VPS4A: variants seen among roughly 807,000 people sequenced by gnomAD.
VPS4A encodes vacuolar protein sorting 4 homolog A, also known as vacuolar protein sorting-associated protein 4A.
A neutral mutation model predicts 52.3 loss-of-function variants in VPS4A; 20 were observed. That is an observed-to-expected ratio of 0.38 (90% CI 0.27 to 0.56). The LOEUF (loss-of-function observed/expected upper bound fraction) is 0.56, where lower values mean the gene tolerates loss of function less well. Among genes scored for constraint, VPS4A ranks in the 20% least tolerant of loss-of-function variants. The probability of loss-of-function intolerance (pLI) is 0.72; values close to 1 mark genes in which losing one functional copy is unlikely to be tolerated. For missense variants in VPS4A, 419 were observed against 575.9 expected, an observed-to-expected ratio of 0.73 and a Z score of 2.79; for synonymous variants, 293 against 227.7, an observed-to-expected ratio of 1.29 and a Z score of -2.58.
chr16:69,323,941 C>A (rs1417492481), intron 10 of VPS4A, among the ~76,000 whole-genome samples: 2 of 77,946 alleles, frequency 2.6e-5, no homozygotes, highest in Admixed American at 1.2e-4. Flanking sequence ...CAGACTCCGT[C>A]TCCAAAAAAA....
rs568843038 is a variant in VPS4A at position 69,325,257 on chromosome 16, T to C, written c.*948T>C. 1 of 152,402 alleles carries C rather than the reference T, an allele frequency of 6.6e-6. No homozygotes were observed. The highest frequency in any genetic ancestry group is 1.9e-4 in the East Asian group (1 of 5,182). 9.4% of individuals were successfully genotyped at this position (152,402 alleles called of 1,614,324 possible). A position where few individuals can be genotyped will look rare whatever the true frequency, so the allele number is the denominator to read the frequency against. On this transcript the variant is annotated 3_prime_UTR_variant, in exon 11 of 11. Coordinates refer to ENST00000254950, the MANE Select transcript of VPS4A (RefSeq NM_013245.3). ...AGTTTGGCTGGGGATGTTTGTGGGA[T>C]CCAGACAGTTCTTGCCGTTGTTCGG...
chr16:69,320,007 C>T lies in VPS4A; in HGVS notation c.621-134C>T. 2.4e-6 allele frequency: 3 copies of T among 1,263,786 alleles called. No homozygotes were observed. The highest frequency in any genetic ancestry group is 3.2e-6 in the Non-Finnish European group (3 of 926,930). 78.3% of individuals were successfully genotyped at this position (1,263,786 alleles called of 1,614,324 possible). On this transcript the variant is annotated intron_variant, in intron 6 of 10. Coordinates refer to ENST00000254950, the MANE Select transcript of VPS4A (RefSeq NM_013245.3). The surrounding 1 kb of genome is among the most constrained non-coding windows in gnomAD (Gnocchi z 4.2). ...AGTGTGGCCCGAGGGCTCCTCACCACCACGTTTTCCGCAATTCCGGCATGA... is the reference window on the plus strand; with the variant it reads ...AGTGTGGCCCGAGGGCTCCTCACCATCACGTTTTCCGCAATTCCGGCATGA...
intron 1 of VPS4A, among the ~76,000 whole-genome samples, chr16:69,312,657 G>A (rs1285415922): frequency 6.6e-6 from 1 of 152,160 alleles, no homozygotes; most frequent in Non-Finnish European, 1.5e-5. Flanking sequence ...CTGTCACCCA[G>A]ACTGGAGTGC....
chr16:69,321,525 C>A lies in VPS4A; in HGVS notation c.1071+255C>A. ...CTTTACTGTCTTAACCCTGCTGCGGCCTCCTCCGTCAGCACTGTGTGCTCT... is the reference window on the plus strand; with the variant it reads ...CTTTACTGTCTTAACCCTGCTGCGGACTCCTCCGTCAGCACTGTGTGCTCT... On this transcript the variant is annotated intron_variant, in intron 9 of 10. Transcript: ENST00000254950. This position sits in a 1 kb window ranked among gnomAD's most constrained non-coding sequence, Gnocchi z 4.5. 1.9e-6 allele frequency: 1 copy of A among 526,956 alleles called. No individual in the cohort carries two copies. Among genetic ancestry groups the A allele is most frequent in the Non-Finnish European group, 3.4e-6 (1 of 291,134 alleles). 32.6% of individuals were successfully genotyped at this position (526,956 alleles called of 1,614,324 possible).
At chr16:69,312,644 A>G (rs1416676033) in intron 1 of VPS4A, among the ~76,000 whole-genome samples, 2 of 151,914 alleles carry the variant, frequency 1.3e-5, no homozygotes, top group African/African-American at 4.8e-5. Flanking sequence ...ATGGAGTCTC[A>G]CTCTGTCACC....
rs1419853557 is a variant in VPS4A at position 69,325,289 on chromosome 16, G to T, written c.*980G>T. On this transcript the variant is annotated 3_prime_UTR_variant, in exon 11 of 11. Coordinates refer to ENST00000254950, the MANE Select transcript of VPS4A (RefSeq NM_013245.3). Reference sequence around the variant, plus strand: ...AGTTCTTGCCGTTGTTCGGCCTACAGATCAGAGACTGCAAAGTGGGAGCCC... The same window carrying T: ...AGTTCTTGCCGTTGTTCGGCCTACATATCAGAGACTGCAAAGTGGGAGCCC... The T allele has an allele frequency of 6.6e-6, 1 of 152,264 alleles. No homozygotes were observed. Among genetic ancestry groups the T allele is most frequent in the Non-Finnish European group, 1.5e-5 (1 of 68,076 alleles). The allele number at this position is 152,264 out of a possible 1,614,324, so 9.4% of individuals were successfully genotyped here. A position where few individuals can be genotyped will look rare whatever the true frequency, so the allele number is the denominator to read the frequency against.
chr16:69,312,109 A>G (rs563994244), intron 1 of VPS4A, among the ~76,000 whole-genome samples: 4 of 152,194 alleles, frequency 2.6e-5, no homozygotes, highest in African/African-American at 9.6e-5. Flanking sequence ...GGGCCAGAAG[A>G]GATCAACATG....
At chr16:69,323,676 G>A (rs183511400) in intron 10 of VPS4A, 147 of 455,538 alleles carry the variant, frequency 3.2e-4, no homozygotes, top group African/African-American at 2.4e-3. Context: ...CTGGCCGGGC[G>A]CCGTGGCTCC....
intron 6 of VPS4A, among the ~76,000 whole-genome samples, chr16:69,319,813 AGT>A (rs1965487951): frequency 6.6e-6 from 1 of 152,208 alleles, no homozygotes; most frequent in East Asian, 1.9e-4. Flanking sequence ...CTGTTGGGGC[AGT>A]GTGTGGGGGA....
chr16:69,326,168 G>A lies in VPS4A; in HGVS notation c.*1859G>A, dbSNP rs552476162. On this transcript the variant is annotated 3_prime_UTR_variant, in exon 11 of 11. Transcript: ENST00000254950. Reference sequence around the variant, plus strand: ...ACTGCTCCTCTACCTTTCAAACCTGGTTGGGCCAGAACTGATTACATGGCC... The same window carrying A: ...ACTGCTCCTCTACCTTTCAAACCTGATTGGGCCAGAACTGATTACATGGCC... The A allele has an allele frequency of 6.6e-6, 1 of 152,366 alleles. No individual in the cohort carries two copies. The highest frequency in any genetic ancestry group is 2.1e-4 in the South Asian group (1 of 4,828). 9.4% of individuals were successfully genotyped at this position (152,366 alleles called of 1,614,324 possible).
At chr16:69,322,807 C>A in intron 10 of VPS4A, 107 bp downstream of exon 10, 1 of 1,402,818 alleles carries the variant, frequency 7.1e-7, no homozygotes, top group South Asian at 1.5e-5. Context: ...TGGTAGCTCA[C>A]GCCTGTAATC....
In VPS4A at chr16:69,321,774, CAG is replaced by C. The variant is rs764539860; in HGVS notation, c.1071+507_1071+508del. The C allele has an allele frequency of 3.4e-5, 6 of 178,036 alleles. No individual in the cohort carries two copies. The highest frequency in any genetic ancestry group is 2.5e-3 in the Middle Eastern group (1 of 408). 11.0% of individuals were successfully genotyped at this position (178,036 alleles called of 1,614,324 possible). A position where few individuals can be genotyped will look rare whatever the true frequency, so the allele number is the denominator to read the frequency against. The stretch of plus-strand genomic sequence containing the variant: ...CAGTCAACACAGTCAGTGAGTGTCT[CAG>C]AGGATGGAGATGGAGCAGGGTTAGG... On this transcript the variant is annotated intron_variant, in intron 9 of 10. Coordinates refer to ENST00000254950, the MANE Select transcript of VPS4A (RefSeq NM_013245.3). This position sits in a 1 kb window ranked among gnomAD's most constrained non-coding sequence, Gnocchi z 4.5.
chr16:69,320,855 C>T lies in VPS4A; in HGVS notation c.851+86C>T, dbSNP rs1377807417. On this transcript the variant is annotated intron_variant, in intron 8 of 10. Transcript: ENST00000254950. The surrounding 1 kb of genome is among the most constrained non-coding windows in gnomAD (Gnocchi z 4.2). ...CCTGCTGCTGGCAGCCCGGGTGCAG[C>T]CTGGCCCCTTTTCCCTGGAGTCTTC... 9.3e-6 allele frequency: 13 copies of T among 1,397,754 alleles called. No individual in the cohort carries two copies. The highest frequency in any genetic ancestry group is 1.3e-5 in the Non-Finnish European group (13 of 1,014,230). The allele number at this position is 1,397,754 out of a possible 1,614,324, so 86.6% of individuals were successfully genotyped here. A position where few individuals can be genotyped will look rare whatever the true frequency, so the allele number is the denominator to read the frequency against.
chr16:69,319,930 T>C (rs1965490038), intron 6 of VPS4A, among the ~76,000 whole-genome samples: 1 of 152,154 alleles, frequency 6.6e-6, no homozygotes, highest in Non-Finnish European at 1.5e-5. Flanking sequence ...GCTCCTGGGA[T>C]TGAGGCTCTG....
At position 69,320,042 on chromosome 16, in the gene VPS4A, G is replaced by A. The variant is rs899014329; in HGVS notation, c.621-99G>A. Reference sequence around the variant, plus strand: ...CGCAATTCCGGCATGACCGTGGCCTGCGCCTCCCTGTGGGAAGGGTGAGAA... The same window carrying A: ...CGCAATTCCGGCATGACCGTGGCCTACGCCTCCCTGTGGGAAGGGTGAGAA... On this transcript the variant is annotated intron_variant, in intron 6 of 10. Transcript: ENST00000254950. This position sits in a 1 kb window ranked among gnomAD's most constrained non-coding sequence, Gnocchi z 4.2. The A allele has an allele frequency of 2.7e-5, 40 of 1,460,854 alleles. No individual in the cohort carries two copies. The highest frequency in any genetic ancestry group is 3.7e-5 in the Non-Finnish European group (40 of 1,087,634). 90.5% of individuals were successfully genotyped at this position (1,460,854 alleles called of 1,614,324 possible). A position where few individuals can be genotyped will look rare whatever the true frequency, so the allele number is the denominator to read the frequency against.
chr16:69,323,584 C>T (rs767258315), intron 10 of VPS4A: 2 of 454,626 alleles, frequency 4.4e-6, no homozygotes, highest in South Asian at 3.1e-5. Flanking sequence ...GGCAGCGCCT[C>T]ACCTGCATAG....
chr16:69,318,581 G>A (rs1351466695), intron 3 of VPS4A, 69 bp from the exon 4 acceptor site: 4 of 1,536,522 alleles, frequency 2.6e-6, no homozygotes, highest in Admixed American at 2.0e-5. Context: ...GCGGAGCCTG[G>A]ACTTGCTGGG....
At chr16:69,324,022 G>A (rs551533884) in intron 10 of VPS4A, among the ~76,000 whole-genome samples, 186 bp from the exon 11 acceptor site, 2 of 151,976 alleles carry the variant, frequency 1.3e-5, no homozygotes, top group East Asian at 3.9e-4. Flanking sequence ...CTCAGACCAG[G>A]AGGAGGCCCA....
chr16:69,322,295 T>C (rs879469210), intron 9 of VPS4A: 20 of 330,372 alleles, frequency 6.1e-5, no homozygotes, highest in Non-Finnish European at 1.0e-4. Flanking sequence ...CTAAACCATA[T>C]CACACTTTTA....
Sources: gnomAD v4.1 joint callset for allele counts (sites outside exome capture counted in the v4.1 genomes callset) on GRCh38, gnomAD v4.1.1 for gene constraint, Gnocchi (gnomAD v3.1) non-coding constraint, MANE v1.5 for transcripts, NCBI Gene and HGNC (gene_info 2026-07-23, HGNC 2026-07-21) for gene names.